HMCN1: variants seen among roughly 807,000 people sequenced by gnomAD.
HMCN1 encodes the protein hemicentin-1.
A neutral mutation model predicts 625.9 loss-of-function variants in HMCN1; 321 were observed. That is an observed-to-expected ratio of 0.51 (90% CI 0.47 to 0.56). The LOEUF is 0.56. Ranked by LOEUF, HMCN1 falls within the 20% of genes least tolerant of loss-of-function variation. HMCN1 has a pLI of 0.00. For missense variants in HMCN1, 6,588 were observed against 6,887.3 expected, an observed-to-expected ratio of 0.96 and a Z score of 1.54; for synonymous variants, 2,425 against 2,417.6, an observed-to-expected ratio of 1.00 and a Z score of -0.09.
rs760080014 is a variant in HMCN1, at chr1:186,090,927, A to G, written c.9887+10A>G. Reference sequence around the variant, plus strand: ...AAACAGAAAGAATCCGGTATGTTTAAAAATAATCTTTCCATTATAAATTGT... The same window carrying G: ...AAACAGAAAGAATCCGGTATGTTTAGAAATAATCTTTCCATTATAAATTGT... On this transcript the variant is annotated intron_variant, in intron 64 of 106. Coordinates refer to ENST00000271588, the MANE Select transcript of HMCN1 (RefSeq NM_031935.3). The G allele has an allele frequency of 8.7e-6, 14 of 1,610,476 alleles. No homozygotes were observed. In the Admixed American group the frequency reaches 2.2e-4, roughly 25 times the overall value.
At chr1:186,116,695 T>A (rs1377301703) in intron 75 of HMCN1, among the ~76,000 whole-genome samples, 1 of 152,180 alleles carries the variant, frequency 6.6e-6, no homozygotes, top group African/African-American at 2.4e-5. Flanking sequence ...GTATTTCTCC[T>A]AGGAGAGCCA....
intron 11 of HMCN1, among the ~76,000 whole-genome samples, chr1:185,934,641 G>T (rs1314987517): frequency 6.6e-6 from 1 of 152,170 alleles, no homozygotes; most frequent in Non-Finnish European, 1.5e-5. Context: ...CTGTTAAGCT[G>T]AAAGGTTCAG....
rs182434997 is a variant in HMCN1, at chr1:185,982,366, C to T, written c.2767C>T (p.Arg923Trp). 2.1e-5 allele frequency: 34 copies of T among 1,613,230 alleles called. No individual in the cohort carries two copies. Among genetic ancestry groups the T allele is most frequent in the Admixed American group, 5.0e-5 (3 of 59,964 alleles). ...LLAGNPIPER[R>W]WIKNSAMLLQ... ...AGCTGGAAATCCCATTCCAGAACGT[C>T]GGTGGATTAAGAATTCAGCTATGGT... Residue 923 changes from arginine (R) to tryptophan (W), a missense_variant, in exon 18 of 107, where the codon CGG becomes TGG. This residue lies in a region of HMCN1 where 4,628 missense variants were observed against 4,853.1 expected (regional missense o/e 0.95). Coordinates refer to ENST00000271588, the MANE Select transcript of HMCN1 (RefSeq NM_031935.3).
At chr1:185,870,945 A>C (rs1663574791) in intron 4 of HMCN1, among the ~76,000 whole-genome samples, 2 of 152,230 alleles carry the variant, frequency 1.3e-5, no homozygotes, top group African/African-American at 4.8e-5. Flanking sequence ...GTTCCATAAA[A>C]GTCAGCATCC....
chr1:185,917,553 A>T (rs933369342), intron 6 of HMCN1, among the ~76,000 whole-genome samples: 5 of 152,206 alleles, frequency 3.3e-5, no homozygotes, highest in African/African-American at 9.6e-5. Flanking sequence ...TGAATTCTTG[A>T]TGAGTATAGC....
chr1:186,188,052 T>G (rs1008840), intron 106 of HMCN1, 43 bp downstream of exon 106: 149,558 of 1,610,484 alleles, frequency 0.093, 8,141 homozygotes, highest in Admixed American at 0.2. Context: ...TTGAAAATCC[T>G]TCCTCCCACT....
chr1:185,737,159 A>ATT (rs879391788), intron 1 of HMCN1, among the ~76,000 whole-genome samples: 2 of 139,994 alleles, frequency 1.4e-5, no homozygotes, highest in African/African-American at 2.6e-5. Context: ...GTTGTTGTTT[A>ATT]TTTTTTTTTT....
chr1:185,845,213 C>T (rs533368618), intron 1 of HMCN1, among the ~76,000 whole-genome samples: 1 of 152,216 alleles, frequency 6.6e-6, no homozygotes, highest in South Asian at 2.1e-4. Flanking sequence ...TCTCCAAATT[C>T]TTTTTCTTTC....
At chr1:186,025,070 G>T (rs1458523386) in intron 36 of HMCN1, among the ~76,000 whole-genome samples, 1 of 152,152 alleles carries the variant, frequency 6.6e-6, no homozygotes, top group East Asian at 1.9e-4. Context: ...GGGGGTAACG[G>T]GAAACAGTGA....
chr1:185,753,630 C>G (rs1022043361), intron 1 of HMCN1, among the ~76,000 whole-genome samples: 1 of 152,084 alleles, frequency 6.6e-6, no homozygotes, highest in Non-Finnish European at 1.5e-5. Context: ...AAGTTTTGAT[C>G]TGTTGTATTT....
intron 1 of HMCN1, among the ~76,000 whole-genome samples, chr1:185,750,560 A>G (rs1016251789): frequency 6.6e-6 from 1 of 152,108 alleles, no homozygotes; most frequent in African/African-American, 2.4e-5. Flanking sequence ...CTTTAAATAT[A>G]TGGCCATTTT....
At chr1:185,993,733 T>C (rs761800988) in intron 23 of HMCN1, among the ~76,000 whole-genome samples, 10 of 152,194 alleles carry the variant, frequency 6.6e-5, no homozygotes, top group Non-Finnish European at 1.5e-4. Context: ...TTCCTAGGAC[T>C]CTTTGACTAC....
Position 185,981,043 on chromosome 1 carries a change from T to A in HMCN1, c.2632T>A (p.Ser878Thr). 1 of 1,611,234 alleles carries A rather than the reference T, an allele frequency of 6.2e-7. No individual in the cohort carries two copies. The highest frequency in any genetic ancestry group is 8.5e-7 in the Non-Finnish European group (1 of 1,177,470). Residue 878 changes from serine (S) to threonine (T), a missense_variant, in exon 17 of 107, where the codon TCA (serine) becomes ACA (threonine). Ser to Thr is a moderately conservative substitution (Grantham distance 58, BLOSUM62 1). Transcript: ENST00000271588. ...TGAAAACCAGTTTGGAAAGATCCAG[T>A]CAGAGACAACAGTAACAGTGACCGG... Reference protein sequence around the residue: ...EAENQFGKIQSETTVTVTGLV... With the variant: ...EAENQFGKIQTETTVTVTGLV...
chr1:186,141,667 C>CACTT (rs561365753), intron 89 of HMCN1, among the ~76,000 whole-genome samples: 33 of 152,318 alleles, frequency 2.2e-4, no homozygotes, highest in Non-Finnish European at 3.5e-4. Context: ...TCCTAGCTTA[C>CACTT]ACTTATGTAG....
intron 97 of HMCN1, among the ~76,000 whole-genome samples, chr1:186,158,211 A>T (rs1019033263): frequency 2.7e-5 from 4 of 150,018 alleles, no homozygotes; most frequent in African/African-American, 1.0e-4. Flanking sequence ...GCATTTTTTC[A>T]TGTGTTTTTT....
At chr1:185,831,007 CA>C (rs1660824813) in intron 1 of HMCN1, among the ~76,000 whole-genome samples, 2 of 152,180 alleles carry the variant, frequency 1.3e-5, no homozygotes, top group Admixed American at 6.5e-5. Flanking sequence ...ACCAAAACTT[CA>C]AAAACTTGAT....
In HMCN1 at chr1:186,000,263, A is replaced by G. The variant is rs1653088813; in HGVS notation, c.4069+24A>G. 3.2e-6 allele frequency: 5 copies of G among 1,563,178 alleles called. No individual in the cohort carries two copies. The African/African-American group carries it at 6.8e-5, about 21-fold the overall frequency. ...TGGTAAATGTAGCTAAAATCATGTA[A>G]CTGACTGTTTGCCAGTCTCCAGTTC... On this transcript the variant is annotated intron_variant, in intron 26 of 106. Coordinates refer to ENST00000271588, the MANE Select transcript of HMCN1 (RefSeq NM_031935.3).
chr1:185,908,047 A>T (rs1172932227), intron 4 of HMCN1, among the ~76,000 whole-genome samples: 1 of 151,978 alleles, frequency 6.6e-6, no homozygotes, highest in African/African-American at 2.4e-5. Context: ...TGAAAAAAAA[A>T]TAAGAAATGC....
intron 36 of HMCN1, among the ~76,000 whole-genome samples, chr1:186,027,962 T>A (rs916455991): frequency 2.6e-5 from 4 of 152,210 alleles, no homozygotes; most frequent in Admixed American, 6.5e-5. Flanking sequence ...TCGGGAATGT[T>A]GCAGGGAACC....
Sources: allele counts gnomAD v4.1 joint callset (sites outside exome capture counted in the v4.1 genomes callset), GRCh38; gene constraint gnomAD v4.1.1; regional missense constraint gnomAD v4.1.1; transcripts MANE v1.5; gene names NCBI Gene and HGNC (gene_info 2026-07-23, HGNC 2026-07-21).